The following NINJ2 variants were observed in gnomAD, a reference collection of about 807,000 sequenced individuals.
The protein encoded by NINJ2 is ninjurin-2.
A neutral mutation model predicts 11.7 loss-of-function variants in NINJ2; 12 were observed. That is an observed-to-expected ratio of 1.02 (90% CI 0.66 to 1.66). The LOEUF is 1.66. Among genes scored for constraint, NINJ2 ranks in the 40% most tolerant of loss-of-function variants. NINJ2 has a pLI of 0.00. For synonymous variants in NINJ2, 93 were observed against 76.8 expected (o/e 1.21, Z -1.10); for missense variants, 187 against 181.8 (o/e 1.03, Z -0.16).
At chr12:601,056 A>G (rs985098468) in intron 1 of NINJ2, among the ~76,000 whole-genome samples, 1 of 152,144 alleles carries the variant, frequency 6.6e-6, no homozygotes, top group Admixed American at 6.5e-5. Context: ...AAGACTTACT[A>G]TTTAGTTCTC....
intron 1 of NINJ2, among the ~76,000 whole-genome samples, chr12:597,841 C>T (rs917415298): frequency 3.3e-5 from 5 of 152,226 alleles, no homozygotes; most frequent in African/African-American, 1.2e-4. Flanking sequence ...TGTGGAGGGT[C>T]TGGGGCATTG....
rs1010701482 is a variant in NINJ2 at position 591,463 on chromosome 12, A to G, written c.34-25285T>C. On this transcript the variant is annotated intron_variant, in intron 1 of 3. Coordinates refer to ENST00000305108, the MANE Select transcript of NINJ2 (RefSeq NM_016533.6). The surrounding 1 kb of genome is among the most constrained non-coding windows in gnomAD (Gnocchi z 5.0). ...TGCAAGGTCCTTTCTGCTAGTCATG[A>G]CTACTAAGACCTGCTGCCCAGGACT... Among the ~76,000 whole-genome samples, 21 of 152,164 alleles carry G rather than the reference A, an allele frequency of 1.4e-4. No homozygotes were observed. The highest frequency in any genetic ancestry group is 5.1e-4 in the African/African-American group (21 of 41,428).
chr12:583,848 TCA>T (rs2120844750), intron 1 of NINJ2, among the ~76,000 whole-genome samples: 1 of 152,228 alleles, frequency 6.6e-6, no homozygotes, highest in Admixed American at 6.5e-5. Context: ...GGGAGCTCTC[TCA>T]GTCACCTACT....
chr12:599,670 G>A (rs959967154), intron 1 of NINJ2, among the ~76,000 whole-genome samples: 3 of 152,318 alleles, frequency 2.0e-5, no homozygotes, highest in South Asian at 4.1e-4. Context: ...TTTGAACCCT[G>A]ACTTGCCTCA....
chr12:577,430 C>CACATATATATATGTAT (rs1947476588), intron 1 of NINJ2, among the ~76,000 whole-genome samples: 1 of 93,988 alleles, frequency 1.1e-5, no homozygotes, highest in African/African-American at 3.7e-5. Flanking sequence ...TATATATATA[C>CACATATATATATGTAT]ATATATATAT....
intron 1 of NINJ2, among the ~76,000 whole-genome samples, chr12:626,398 T>C (rs1416094508): frequency 6.6e-6 from 1 of 152,212 alleles, no homozygotes; most frequent in Non-Finnish European, 1.5e-5. Context: ...GGACTCCTGG[T>C]TGCTTTTCCC....
chr12:591,169 C>A lies in NINJ2; in HGVS notation c.34-24991G>T, dbSNP rs1478461789. 1 of 152,294 alleles carries A rather than the reference C, an allele frequency of 6.6e-6. No individual in the cohort carries two copies. The highest frequency in any genetic ancestry group is 6.5e-5 in the Admixed American group (1 of 15,276). The allele number at this position is 152,294 out of a possible 1,614,324, so 9.4% of individuals were successfully genotyped here. On this transcript the variant is annotated intron_variant, in intron 1 of 3. Transcript: ENST00000305108. The surrounding 1 kb of genome is among the most constrained non-coding windows in gnomAD (Gnocchi z 5.0). ...ATGACAGTCCCTAGGTTCTCTGGCT[C>A]CTGTTTCTGGATTCAGTGCTGTGAG...
At chr12:607,498 G>A (rs7955627) in intron 1 of NINJ2, among the ~76,000 whole-genome samples, 32,150 of 152,022 alleles carry the variant, frequency 0.21, 3,592 homozygotes, top group East Asian at 0.3. Context: ...GACAGAAAGC[G>A]CAATATCCCA....
intron 1 of NINJ2, among the ~76,000 whole-genome samples, chr12:586,912 A>G (rs2607936): frequency 0.76 from 115,103 of 152,092 alleles, 43,651 homozygotes; most frequent in Middle Eastern, 0.79. Flanking sequence ...GGGCTCTGGT[A>G]TTGTGGAATG....
chr12:579,356 C>T (rs569485049), intron 1 of NINJ2, among the ~76,000 whole-genome samples: 51 of 151,544 alleles, frequency 3.4e-4, no homozygotes, highest in Non-Finnish European at 6.0e-4. Flanking sequence ...GCTCCTAGCA[C>T]GAGCTAGGCA....
chr12:643,592 G>A (rs1402717416), intron 1 of NINJ2: 1 of 988,070 alleles, frequency 1.0e-6, no homozygotes, highest in Non-Finnish European at 1.2e-6. Context: ...ACCGAGGCTC[G>A]GAGAGATGAA....
chr12:649,531 G>GTGTGTATA (rs139452771), intron 1 of NINJ2, among the ~76,000 whole-genome samples: 1 of 127,696 alleles, frequency 7.8e-6, no homozygotes, highest in South Asian at 2.7e-4. Flanking sequence ...GTGTATATGT[G>GTGTGTATA]TATATATATA....
At chr12:643,774 TCTTCC>T in intron 1 of NINJ2, 1 of 713,052 alleles carries the variant, frequency 1.4e-6, no homozygotes, top group Non-Finnish European at 1.7e-6. Context: ...GTCAGTCTAC[TCTTCC>T]AGTAGAAACT....
intron 1 of NINJ2, among the ~76,000 whole-genome samples, chr12:651,099 G>C (rs1017128912): frequency 2.0e-5 from 3 of 151,656 alleles, no homozygotes; most frequent in African/African-American, 7.3e-5. Context: ...AGTCATGGGG[G>C]TGGGCATTGG....
At chr12:637,521 A>G (rs1256487701) in intron 1 of NINJ2, among the ~76,000 whole-genome samples, 1 of 151,000 alleles carries the variant, frequency 6.6e-6, no homozygotes, top group African/African-American at 2.4e-5. Flanking sequence ...GGCACCTGAA[A>G]TCCCAGCTAC....
At chr12:606,137 G>C (rs1403706779) in intron 1 of NINJ2, among the ~76,000 whole-genome samples, 4 of 152,096 alleles carry the variant, frequency 2.6e-5, no homozygotes, top group Non-Finnish European at 5.9e-5. Flanking sequence ...CTCCCAAAGT[G>C]CTGGGATTAC....
At chr12:650,458 G>A (rs1365170091) in intron 1 of NINJ2, among the ~76,000 whole-genome samples, 3 of 152,188 alleles carry the variant, frequency 2.0e-5, no homozygotes, top group Non-Finnish European at 4.4e-5. Flanking sequence ...CCATCACTTT[G>A]GGAAGCCAAG....
rs1394434993 is a variant in NINJ2 at position 585,792 on chromosome 12, G to C, written c.34-19614C>G. 6.6e-6 allele frequency: 1 copy of C among 152,252 alleles called. No homozygotes were observed. Among genetic ancestry groups the C allele is most frequent in the Non-Finnish European group, 1.5e-5 (1 of 68,088 alleles). The allele number at this position is 152,252 out of a possible 1,614,324, so 9.4% of individuals were successfully genotyped here. ...GGCTTAGAAAGGAATAGCTCAGACG[G>C]AGTTTGTGATTAATTACGGGAATGG... On this transcript the variant is annotated intron_variant, in intron 1 of 3. Coordinates refer to ENST00000305108, the MANE Select transcript of NINJ2 (RefSeq NM_016533.6). The surrounding 1 kb of genome is among the most constrained non-coding windows in gnomAD (Gnocchi z 4.1).
At chr12:624,043 AAAAC>A (rs1174871107) in intron 1 of NINJ2, among the ~76,000 whole-genome samples, 3 of 152,118 alleles carry the variant, frequency 2.0e-5, no homozygotes, top group Non-Finnish European at 2.9e-5. Flanking sequence ...CTCAAAAACA[AAAAC>A]AAAAACAAAA....
Sources: gnomAD v4.1 joint callset for allele counts (sites outside exome capture counted in the v4.1 genomes callset) on GRCh38, gnomAD v4.1.1 for gene constraint, Gnocchi (gnomAD v3.1) non-coding constraint, MANE v1.5 for transcripts, NCBI Gene and HGNC (gene_info 2026-07-23, HGNC 2026-07-21) for gene names.